SCFD2: variants seen among roughly 807,000 people sequenced by gnomAD.
The protein encoded by SCFD2 is sec1 family domain-containing protein 2.
In SCFD2, 54 loss-of-function variants were observed where a neutral mutation model predicts 58.9. The observed-to-expected ratio is 0.92, with a 90% CI of 0.74 to 1.15. The LOEUF is 1.15. Among genes scored for constraint, SCFD2 ranks in the 50% most tolerant of loss-of-function variants. The pLI is 0.00. For missense variants in SCFD2, 805 were observed against 836.6 expected, an observed-to-expected ratio of 0.96 and a Z score of 0.47; for synonymous variants, 321 against 335.9, an observed-to-expected ratio of 0.96 and a Z score of 0.49.
chr4:53,154,700 A>G (rs912290642), intron 4 of SCFD2, among the ~76,000 whole-genome samples: 10 of 152,374 alleles, frequency 6.6e-5, no homozygotes, highest in African/African-American at 2.2e-4. Flanking sequence ...GTGATACTCT[A>G]TCTGACAAAA....
chr4:53,132,945 G>A (rs543691331), intron 5 of SCFD2, among the ~76,000 whole-genome samples: 2 of 152,276 alleles, frequency 1.3e-5, no homozygotes, highest in Admixed American at 6.5e-5. Flanking sequence ...GAATTACTGA[G>A]GAAAAACTGT....
intron 5 of SCFD2, among the ~76,000 whole-genome samples, chr4:52,955,421 G>A (rs911988045): frequency 6.6e-6 from 1 of 152,186 alleles, no homozygotes; most frequent in Non-Finnish European, 1.5e-5. Context: ...TATTAAATGA[G>A]TACTAATGTG....
intron 4 of SCFD2, among the ~76,000 whole-genome samples, chr4:53,217,668 A>AATT (rs746425625): frequency 1.3e-5 from 2 of 152,170 alleles, no homozygotes; most frequent in Non-Finnish European, 1.5e-5. Context: ...GTTATGTGTG[A>AATT]ATTTGATCCT....
intron 4 of SCFD2, among the ~76,000 whole-genome samples, chr4:53,154,927 G>C (rs1726620468): frequency 6.6e-6 from 1 of 152,172 alleles, no homozygotes; most frequent in Non-Finnish European, 1.5e-5. Flanking sequence ...GAATGCAGGG[G>C]GCCTGTGGAA....
intron 4 of SCFD2, among the ~76,000 whole-genome samples, chr4:53,242,260 T>A (rs900376944): frequency 6.6e-6 from 1 of 152,186 alleles, no homozygotes; most frequent in Admixed American, 6.5e-5. Flanking sequence ...TGGGAGCACC[T>A]CAGTCCCCTA....
At chr4:53,042,621 T>C (rs557674528) in intron 5 of SCFD2, among the ~76,000 whole-genome samples, 2 of 152,222 alleles carry the variant, frequency 1.3e-5, no homozygotes, top group African/African-American at 4.8e-5. Flanking sequence ...ACATGGAGGA[T>C]CTGGTATAAG....
intron 4 of SCFD2, among the ~76,000 whole-genome samples, chr4:53,250,505 C>T (rs954604434): frequency 6.6e-6 from 1 of 152,066 alleles, no homozygotes; most frequent in African/African-American, 2.4e-5. Flanking sequence ...TAAAGCTCTC[C>T]TCAGCAAATG....
intron 5 of SCFD2, among the ~76,000 whole-genome samples, chr4:53,084,958 T>C (rs1724262504): frequency 6.6e-6 from 1 of 152,212 alleles, no homozygotes; most frequent in African/African-American, 2.4e-5. Flanking sequence ...CTGAAAGCCT[T>C]TCCTCTAAGA....
At chr4:53,169,200 AC>A (rs1289454567) in intron 4 of SCFD2, among the ~76,000 whole-genome samples, 2 of 151,946 alleles carry the variant, frequency 1.3e-5, no homozygotes, top group African/African-American at 2.4e-5. Context: ...ACATGGCGAA[AC>A]CCCATCTCTA....
chr4:52,952,307 A>C (rs143146780), intron 5 of SCFD2, among the ~76,000 whole-genome samples: 124 of 130,372 alleles, frequency 9.5e-4, no homozygotes, highest in African/African-American at 3.7e-3. Context: ...CTCTGCCCCA[A>C]ATGGTCCCAC....
At chr4:53,034,006 A>G (rs1464819961) in intron 5 of SCFD2, among the ~76,000 whole-genome samples, 4 of 152,274 alleles carry the variant, frequency 2.6e-5, no homozygotes, top group African/African-American at 9.6e-5. Context: ...CAGAGACACA[A>G]CAAAAAAAGA....
At chr4:53,097,651 T>C (rs940287448) in intron 5 of SCFD2, among the ~76,000 whole-genome samples, 4 of 152,216 alleles carry the variant, frequency 2.6e-5, no homozygotes, top group Non-Finnish European at 5.9e-5. Flanking sequence ...CACAATCATG[T>C]TGTCTGCAAA....
chr4:52,952,796 C>T (rs373840131), intron 5 of SCFD2, among the ~76,000 whole-genome samples: 118 of 152,230 alleles, frequency 7.8e-4, no homozygotes, highest in African/African-American at 2.8e-3. Context: ...AATGATGATC[C>T]TTTCATTCCC....
At position 53,357,450 on chromosome 4, in the gene SCFD2, C is replaced by T. The variant is rs142995494; in HGVS notation, c.839-4684G>A. On this transcript the variant is annotated intron_variant, in intron 1 of 8. Coordinates refer to ENST00000401642, the MANE Select transcript of SCFD2 (RefSeq NM_152540.4). ...TCTCAAAAAAAAAAAGGAATTATTT[C>T]ATATTCTTCCCACAGGTTAGAATAC... is the stretch of plus-strand genomic sequence containing the variant. 1.6e-4 allele frequency among the ~76,000 whole-genome samples: 25 copies of T among 151,958 alleles called. No homozygotes were observed. In the East Asian group the frequency reaches 4.6e-3, roughly 28 times the overall value.
chr4:53,299,426 C>A (rs1732184163), intron 3 of SCFD2, among the ~76,000 whole-genome samples: 1 of 152,132 alleles, frequency 6.6e-6, no homozygotes, highest in Non-Finnish European at 1.5e-5. Flanking sequence ...ACAAAGCCTC[C>A]AAGAAATATG....
At chr4:53,324,459 G>C (rs1367487438) in intron 2 of SCFD2, among the ~76,000 whole-genome samples, 1 of 150,874 alleles carries the variant, frequency 6.6e-6, no homozygotes, top group African/African-American at 2.4e-5. Flanking sequence ...GATACATAGG[G>C]ACAGAAATGA....
At chr4:53,127,967 CAT>C (rs957976512) in intron 5 of SCFD2, among the ~76,000 whole-genome samples, 12 of 132,880 alleles carry the variant, frequency 9.0e-5, no homozygotes, top group East Asian at 6.5e-4. Flanking sequence ...TTAGCCCAAT[CAT>C]GTGCATTTTT....
chr4:53,024,119 A>G (rs2148815004), intron 5 of SCFD2, among the ~76,000 whole-genome samples: 1 of 152,296 alleles, frequency 6.6e-6, no homozygotes, highest in African/African-American at 2.4e-5. Flanking sequence ...GTCTGCTTTC[A>G]TTAAATTCTT....
rs555324669 is a variant in SCFD2, at chr4:53,122,134, C to A, written c.1561+23199G>T. On this transcript the variant is annotated intron_variant, in intron 5 of 8. Coordinates refer to ENST00000401642, the MANE Select transcript of SCFD2 (RefSeq NM_152540.4). ...GCTCATGCCTGTAATCCCAGCACTTCGGGAGGCTGAGGCAGGTGGATCACC... is the reference window on the plus strand; with the variant it reads ...GCTCATGCCTGTAATCCCAGCACTTAGGGAGGCTGAGGCAGGTGGATCACC... Among the ~76,000 whole-genome samples the A allele has an allele frequency of 1.1e-3, 161 of 152,092 alleles. 1 individual carries two copies. The highest frequency in any genetic ancestry group is 3.6e-3 in the African/African-American group (148 of 41,506).
Sources: allele counts gnomAD v4.1 joint callset (sites outside exome capture counted in the v4.1 genomes callset), GRCh38; gene constraint gnomAD v4.1.1; transcripts MANE v1.5; gene names NCBI Gene and HGNC (gene_info 2026-07-23, HGNC 2026-07-21).